CDH4: variants seen among roughly 807,000 people sequenced by gnomAD.
CDH4 encodes cadherin 4.
In CDH4, 33 loss-of-function variants were observed where a neutral mutation model predicts 86.0. The ratio of observed to expected loss-of-function variants is 0.38; its 90% confidence interval spans 0.29 to 0.51. The LOEUF (loss-of-function observed/expected upper bound fraction) is 0.51, where lower values mean the gene tolerates loss of function less well. CDH4 is among the 20% of genes least tolerant of loss of function. The pLI is 0.86. For synonymous variants in CDH4, 555 were observed against 549.4 expected, an observed-to-expected ratio of 1.01 and a Z score of -0.14; for missense variants, 1,114 against 1,307.4, an observed-to-expected ratio of 0.85 and a Z score of 2.28.
chr20:61,823,096 C>A (rs1269305030), intron 4 of CDH4, among the ~76,000 whole-genome samples: 2 of 152,140 alleles, frequency 1.3e-5, no homozygotes, highest in African/African-American at 4.8e-5. Context: ...ATGGAGAATT[C>A]TCTTGCTTGG....
chr20:61,457,008 A>T (rs1252425274), intron 2 of CDH4, among the ~76,000 whole-genome samples: 1 of 152,172 alleles, frequency 6.6e-6, no homozygotes, highest in African/African-American at 2.4e-5. Flanking sequence ...TGAGTGGCAA[A>T]AGGGGCTTTG....
In CDH4 at chr20:61,885,943, G is replaced by A. The variant is rs557146203; in HGVS notation, c.1051-8967G>A. 9.8e-5 allele frequency among the ~76,000 whole-genome samples: 15 copies of A among 152,332 alleles called. No individual in the cohort carries two copies. The East Asian group carries it at 1.7e-3, about 18-fold the overall frequency. Reference sequence around the variant, plus strand: ...TCCAGGAGGAAGCAGTGGGAACAGCGCTGACCTGAGAGGAGCTGGAGAAGC... The same window carrying A: ...TCCAGGAGGAAGCAGTGGGAACAGCACTGACCTGAGAGGAGCTGGAGAAGC... On this transcript the variant is annotated intron_variant, in intron 7 of 15. Coordinates refer to ENST00000614565, the MANE Select transcript of CDH4 (RefSeq NM_001794.5).
In CDH4 at chr20:61,676,035, G is replaced by A. The variant is rs1024411723; in HGVS notation, c.170-67528G>A. 2.3e-4 allele frequency among the ~76,000 whole-genome samples: 35 copies of A among 152,188 alleles called. No individual in the cohort carries two copies. The highest frequency in any genetic ancestry group is 2.5e-4 in the Non-Finnish European group (17 of 68,044). ...CACTGCCTGCTTAGGACCCTCAGAC[G>A]GCCTCAGGATGTCACAGATAATGTA... On this transcript the variant is annotated intron_variant, in intron 2 of 15. Transcript: ENST00000614565. This position sits in a 1 kb window ranked among gnomAD's most constrained non-coding sequence, Gnocchi z 4.5.
chr20:61,574,690 T>C (rs1251982188), intron 2 of CDH4, among the ~76,000 whole-genome samples: 2 of 152,102 alleles, frequency 1.3e-5, no homozygotes, highest in African/African-American at 4.8e-5. Flanking sequence ...ACAGGCTGCC[T>C]GGATGGAAGT....
At chr20:61,550,574 G>T (rs567058181) in intron 2 of CDH4, among the ~76,000 whole-genome samples, 1 of 150,208 alleles carries the variant, frequency 6.7e-6, no homozygotes, top group East Asian at 2.0e-4. Context: ...CTGCCCTTGT[G>T]TTCATCCTTC....
chr20:61,619,198 G>T (rs2086749696), intron 2 of CDH4, among the ~76,000 whole-genome samples: 1 of 152,174 alleles, frequency 6.6e-6, no homozygotes, highest in African/African-American at 2.4e-5. Flanking sequence ...GGGCATGTCT[G>T]CTGGGTTCGG....
intron 2 of CDH4, among the ~76,000 whole-genome samples, chr20:61,273,449 T>C (rs1471411982): frequency 3.2e-3 from 142 of 44,810 alleles, no homozygotes; most frequent in Middle Eastern, 0.021. Context: ...CCATGTGCAG[T>C]TTGGGGGAGG....
At chr20:61,307,530 GA>G (rs2084423869) in intron 2 of CDH4, among the ~76,000 whole-genome samples, 1 of 152,240 alleles carries the variant, frequency 6.6e-6, no homozygotes, top group African/African-American at 2.4e-5. Flanking sequence ...TTAAAATGAG[GA>G]AAAGGTCACT....
At chr20:61,549,883 C>T (rs926034437) in intron 2 of CDH4, among the ~76,000 whole-genome samples, 14 of 152,198 alleles carry the variant, frequency 9.2e-5, no homozygotes, top group African/African-American at 2.4e-4. Flanking sequence ...GCAGAATGGG[C>T]GCTTCCTGTG....
intron 2 of CDH4, among the ~76,000 whole-genome samples, chr20:61,314,537 G>A (rs111469604): frequency 6.6e-6 from 1 of 152,160 alleles, no homozygotes; most frequent in Non-Finnish European, 1.5e-5. Flanking sequence ...CACTGAGGTG[G>A]ATTCCATATC....
intron 2 of CDH4, among the ~76,000 whole-genome samples, chr20:61,445,092 G>A (rs947545816): frequency 8.5e-5 from 13 of 152,098 alleles, no homozygotes; most frequent in Admixed American, 6.5e-4. Context: ...TGCTTGCTAC[G>A]GGGAATTCTT....
Position 61,587,935 on chromosome 20 carries a change from G to A in CDH4, c.170-155628G>A, listed in dbSNP as rs565314407. Among the ~76,000 whole-genome samples the A allele has an allele frequency of 7.9e-5, 12 of 152,166 alleles. No individual in the cohort carries two copies. The East Asian group carries it at 1.7e-3, about 22-fold the overall frequency. On this transcript the variant is annotated intron_variant, in intron 2 of 15. Transcript: ENST00000614565. ...ATTGATTCTCACCTCGGAGTCAACC[G>A]GCGTTTTCTGCTTCATGTGTTTACT...
At chr20:61,611,239 G>A (rs2086683041) in intron 2 of CDH4, among the ~76,000 whole-genome samples, 1 of 152,020 alleles carries the variant, frequency 6.6e-6, no homozygotes, top group South Asian at 2.1e-4. Flanking sequence ...CAGAGGGTGG[G>A]GCAAAAAGTT....
At chr20:61,693,874 CTCTT>C (rs1235918729) in intron 2 of CDH4, among the ~76,000 whole-genome samples, 1 of 146,896 alleles carries the variant, frequency 6.8e-6, no homozygotes, top group African/African-American at 2.5e-5. Context: ...TTCTCAGACA[CTCTT>C]TCTTTCTTTT....
At chr20:61,570,250 G>A (rs1020716621) in intron 2 of CDH4, 3 of 182,484 alleles carry the variant, frequency 1.6e-5, no homozygotes, top group African/African-American at 4.7e-5. Context: ...AAGAGAAGCT[G>A]TTTGTATGCA....
chr20:61,558,569 G>A (rs1039016387), intron 2 of CDH4, among the ~76,000 whole-genome samples: 3 of 152,186 alleles, frequency 2.0e-5, no homozygotes, highest in Admixed American at 6.5e-5. Context: ...ACTGCCTCAC[G>A]CAGTGCAGGA....
At chr20:61,530,988 G>A (rs1425937213) in intron 2 of CDH4, among the ~76,000 whole-genome samples, 1 of 151,906 alleles carries the variant, frequency 6.6e-6, no homozygotes, top group Non-Finnish European at 1.5e-5. Context: ...TAGGCCCCCA[G>A]ATGGGTGGGC....
chr20:61,934,485 A>AG (rs1043748388), intron 15 of CDH4, among the ~76,000 whole-genome samples: 1 of 152,200 alleles, frequency 6.6e-6, no homozygotes, highest in African/African-American at 2.4e-5. Context: ...GGTGCACAGC[A>AG]GGGGCTTCGT....
At position 61,384,434 on chromosome 20, in the gene CDH4, C is replaced by T. The variant is rs530505525; in HGVS notation, c.169+129497C>T. On this transcript the variant is annotated intron_variant, in intron 2 of 15. Transcript: ENST00000614565. Reference sequence around the variant, plus strand: ...TCAGGCCCTGGCAGGATAGAGAAGGCCGTGCTTCCACAGCGTGGTCTGGCA... The same window carrying T: ...TCAGGCCCTGGCAGGATAGAGAAGGTCGTGCTTCCACAGCGTGGTCTGGCA... Among the ~76,000 whole-genome samples the T allele has an allele frequency of 2.2e-4, 33 of 152,290 alleles. 1 individual carries two copies. The South Asian group carries it at 5.8e-3, about 27-fold the overall frequency.
Sources: gnomAD v4.1 joint callset for allele counts (sites outside exome capture counted in the v4.1 genomes callset) on GRCh38, gnomAD v4.1.1 for gene constraint, Gnocchi (gnomAD v3.1) non-coding constraint, MANE v1.5 for transcripts, NCBI Gene and HGNC (gene_info 2026-07-23, HGNC 2026-07-21) for gene names.